SRRT: variants seen among roughly 807,000 people sequenced by gnomAD.
SRRT encodes serrate RNA effector molecule homolog.
A neutral mutation model predicts 103.2 loss-of-function variants in SRRT; 32 were observed. The observed-to-expected ratio is 0.31, with a 90% CI of 0.23 to 0.42. SRRT has a LOEUF of 0.42. Among genes scored for constraint, SRRT ranks in the 10% least tolerant of loss-of-function variants. SRRT has a pLI of 1.00. For synonymous variants in SRRT, 525 were observed against 449.0 expected (o/e 1.17, Z -2.14); for missense variants, 986 against 1,207.5 (o/e 0.82, Z 2.72).
rs765618745 is a variant in SRRT at position 100,887,789 on chromosome 7, C to A, written c.2256C>A (p.Asn752Lys). 2 of 1,613,618 alleles carry A rather than the reference C, an allele frequency of 1.2e-6. No individual in the cohort carries two copies. Among genetic ancestry groups the A allele is most frequent in the Non-Finnish European group, 1.7e-6 (2 of 1,179,564 alleles). The change falls in exon 17 of 20, where the codon AAC becomes AAA. Residue 752 changes from asparagine (N) to lysine (K), a missense_variant. Transcript: ENST00000611405. The surrounding 1 kb of genome is among the most constrained non-coding windows in gnomAD (Gnocchi z 4.1). ...EVKKEVAFFN[N>K]FLTDAKRPAL... ...AAAAGGAAGTCGCGTTTTTTAACAA[C>A]TTCCTCACTGATGCTAAGCGCCCAG...
In SRRT at chr7:100,884,351, G is replaced by A. The variant is rs749989925; in HGVS notation, c.758-17G>A. The stretch of plus-strand genomic sequence containing the variant: ...CCAGGGCCCTGGGGTCATGACCTCT[G>A]TTCCCTTTGTTGGTAGCCGTGATTA... On this transcript the variant is annotated splice_polypyrimidine_tract_variant and intron_variant, in intron 6 of 19. Coordinates refer to ENST00000611405, the MANE Select transcript of SRRT (RefSeq NM_015908.6). The A allele has an allele frequency of 6.2e-6, 10 of 1,613,286 alleles. No homozygotes were observed. Among genetic ancestry groups the A allele is most frequent in the Admixed American group, 1.7e-5 (1 of 59,924 alleles).
intron 2 of SRRT, among the ~76,000 whole-genome samples, chr7:100,880,091 C>G (rs1816142702): frequency 6.6e-6 from 1 of 152,210 alleles, no homozygotes; most frequent in African/African-American, 2.4e-5. Flanking sequence ...TGGCCAAGGA[C>G]AAAGACTAGG....
Position 100,884,374 on chromosome 7 carries a change from T to C in SRRT, c.764T>C (p.Ile255Thr). 6.2e-7 allele frequency: 1 copy of C among 1,613,028 alleles called. No individual in the cohort carries two copies. Among genetic ancestry groups the C allele is most frequent in the Non-Finnish European group, 8.5e-7 (1 of 1,179,686 alleles). Reference protein sequence around the residue: ...AIVKMLDAAVIKMEGGTENDL... With the variant: ...AIVKMLDAAVTKMEGGTENDL... ...CTGTTCCCTTTGTTGGTAGCCGTGATTAAGATGGAAGGAGGCACGGAGAAT... is the reference window on the plus strand; with the variant it reads ...CTGTTCCCTTTGTTGGTAGCCGTGACTAAGATGGAAGGAGGCACGGAGAAT... The change falls in exon 7 of 20, where the codon ATT becomes ACT. Residue 255 changes from isoleucine (I) to threonine (T), a missense_variant. Transcript: ENST00000611405.
rs1452492192 is a variant in SRRT at position 100,881,693 on chromosome 7, T to G, written c.286T>G (p.Tyr96Asp). 6.2e-7 allele frequency: 1 copy of G among 1,614,040 alleles called. No individual in the cohort carries two copies. Among genetic ancestry groups the G allele is most frequent in the South Asian group, 1.1e-5 (1 of 91,082 alleles). ...CAGCTCTGACCCATACCACAGTGGC[T>G]ATGAGATGCCCTATGCTGGGGGGGG... ...EHSSDPYHSG[Y>D]EMPYAGGGGG... is the part of the protein sequence containing the mutation. Residue 96 changes from tyrosine (Y) to aspartate (D), a missense_variant, in exon 4 of 20, where the codon TAT (tyrosine) becomes GAT (aspartate). Physicochemically the swap from Tyr to Asp is radical, Grantham distance 160 (BLOSUM62 -3). Around this residue, in one of 6 missense-constraint regions of SRRT, gnomAD observed 274 missense variants for 358.5 expected, o/e 0.76. Coordinates refer to ENST00000611405, the MANE Select transcript of SRRT (RefSeq NM_015908.6).
At position 100,881,913 on chromosome 7, in the gene SRRT, C is replaced by A. The variant is rs1407743319; in HGVS notation, c.398+108C>A. On this transcript the variant is annotated intron_variant, in intron 4 of 19. Transcript: ENST00000611405. Reference sequence around the variant, plus strand: ...GCGGGTCAGGCACACAGAGGCATGTCCCTGGGGTAGGGGTGGTAGCTGTTG... The same window carrying A: ...GCGGGTCAGGCACACAGAGGCATGTACCTGGGGTAGGGGTGGTAGCTGTTG... 5 of 1,481,430 alleles carry A rather than the reference C, an allele frequency of 3.4e-6. No homozygotes were observed. The African/African-American group carries it at 7.0e-5, about 21-fold the overall frequency. The allele number at this position is 1,481,430 out of a possible 1,614,324, so 91.8% of individuals were successfully genotyped here.
chr7:100,882,325 A>AG lies in SRRT; in HGVS notation c.587+85dup. The AG allele has an allele frequency of 6.8e-7, 1 of 1,477,840 alleles. No homozygotes were observed. Among genetic ancestry groups the AG allele is most frequent in the Non-Finnish European group, 9.2e-7 (1 of 1,090,334 alleles). 91.5% of individuals were successfully genotyped at this position (1,477,840 alleles called of 1,614,324 possible). ...GGAGCCACAGCCCTGTCCTCTTCCC[A>AG]GTTTTCCCTGTCCAGAACTTTCTGG... is the stretch of plus-strand genomic sequence containing the variant. On this transcript the variant is annotated intron_variant, in intron 5 of 19. Transcript: ENST00000611405. This position sits in a 1 kb window ranked among gnomAD's most constrained non-coding sequence, Gnocchi z 4.2.
chr7:100,879,304 G>GCCCCAGCCTGGTCTTGAA (rs1210161334), intron 2 of SRRT, among the ~76,000 whole-genome samples: 3 of 152,094 alleles, frequency 2.0e-5, no homozygotes, highest in Middle Eastern at 3.2e-3. Context: ...TCACCATGTT[G>GCCCCAGCCTGGTCTTGAA]CCCCAGCCTG....
At chr7:100,886,113 C>A in intron 12 of SRRT, 134 bp from the exon 13 acceptor site, 1 of 1,247,790 alleles carries the variant, frequency 8.0e-7, no homozygotes, top group Non-Finnish European at 1.1e-6. Context: ...TGGACGGAAC[C>A]TATGTGGTCC....
Position 100,883,940 on chromosome 7 carries a change from T to C in SRRT, c.588-130T>C, listed in dbSNP as rs1584747619. ...TAGCGCACCCCTATCCCTTAATCTC[T>C]CTATTTTGATGACCTTTTGTGGTTG... On this transcript the variant is annotated intron_variant, in intron 5 of 19. Coordinates refer to ENST00000611405, the MANE Select transcript of SRRT (RefSeq NM_015908.6). 1.1e-5 allele frequency: 11 copies of C among 1,020,034 alleles called. No homozygotes were observed. In the East Asian group the frequency reaches 2.6e-4, roughly 24 times the overall value. The allele number at this position is 1,020,034 out of a possible 1,614,324, so 63.2% of individuals were successfully genotyped here.
chr7:100,886,415 G>C lies in SRRT; in HGVS notation c.1627G>C (p.Gly543Arg). The C allele has an allele frequency of 6.2e-7, 1 of 1,612,842 alleles. No homozygotes were observed. The highest frequency in any genetic ancestry group is 2.2e-5 in the East Asian group (1 of 44,876). Reference sequence around the variant, plus strand: ...GACACAGCTTTGGGCCTCAGAACCAGGGACGCCTCCCCTGCCCACGGTCAG... The same window carrying C: ...GACACAGCTTTGGGCCTCAGAACCACGGACGCCTCCCCTGCCCACGGTCAG... ...DRTQLWASEP[G>R]TPPLPTSLPS... Residue 543 changes from glycine (G) to arginine (R), a missense_variant, in exon 13 of 20, where the codon GGG (glycine) becomes CGG (arginine). Around this residue, in one of 6 missense-constraint regions of SRRT, gnomAD observed 349 missense variants for 446.9 expected, o/e 0.78. Coordinates refer to ENST00000611405, the MANE Select transcript of SRRT (RefSeq NM_015908.6).
At chr7:100,881,098 A>T (rs1816263229) in intron 2 of SRRT, among the ~76,000 whole-genome samples, 187 bp from the exon 3 acceptor site, 1 of 135,290 alleles carries the variant, frequency 7.4e-6, no homozygotes, top group Admixed American at 8.5e-5. Context: ...AATTATTGTT[A>T]CCTTTTTAAA....
rs1584745392 is a variant in SRRT, at chr7:100,882,865, T to C, written c.587+624T>C. 1 of 150,716 alleles carries C rather than the reference T, an allele frequency of 6.6e-6. No individual in the cohort carries two copies. The highest frequency in any genetic ancestry group is 2.0e-4 in the East Asian group (1 of 4,918). The allele number at this position is 150,716 out of a possible 1,614,324, so 9.3% of individuals were successfully genotyped here. ...CCATACATGAGCCCCTGGGCTGAGC[T>C]GCGCGGCCCCGGCCAGGCAGACAGG... On this transcript the variant is annotated intron_variant, in intron 5 of 19. Coordinates refer to ENST00000611405, the MANE Select transcript of SRRT (RefSeq NM_015908.6). This position sits in a 1 kb window ranked among gnomAD's most constrained non-coding sequence, Gnocchi z 4.2.
At chr7:100,881,186 G>A (rs946190357) in intron 2 of SRRT, 99 bp from the exon 3 acceptor site, 15 of 1,371,144 alleles carry the variant, frequency 1.1e-5, no homozygotes, top group Non-Finnish European at 1.4e-5. Flanking sequence ...CGAACTCCTG[G>A]CCTCAAGTGT....
At position 100,875,773 on chromosome 7, in the gene SRRT, C is replaced by T. The variant is rs1468532891; in HGVS notation, c.122+61C>T. On this transcript the variant is annotated intron_variant, in intron 2 of 19. Coordinates refer to ENST00000611405, the MANE Select transcript of SRRT (RefSeq NM_015908.6). ...ATGCCGTTTCACTCCACCCGCGTCGCTTTTCTTTCTCCCCCTTGTAATTTT... is the reference window on the plus strand; with the variant it reads ...ATGCCGTTTCACTCCACCCGCGTCGTTTTTCTTTCTCCCCCTTGTAATTTT... 1.8e-5 allele frequency: 29 copies of T among 1,598,020 alleles called. 1 individual carries two copies. In the Middle Eastern group the frequency reaches 8.3e-4, roughly 46 times the overall value.
Position 100,886,814 on chromosome 7 carries a change from C to T in SRRT, c.1667C>T (p.Pro556Leu), listed in dbSNP as rs758721392. 2.5e-5 allele frequency: 41 copies of T among 1,614,012 alleles called. No individual in the cohort carries two copies. Among genetic ancestry groups the T allele is most frequent in the African/African-American group, 2.7e-5 (2 of 74,892 alleles). Residue 556 changes from proline to leucine, a missense_variant, in exon 14 of 20, where the codon CCG becomes CTG. This residue lies in a region of SRRT where 349 missense variants were observed against 446.9 expected (regional missense o/e 0.78). Transcript: ENST00000611405. Reference protein sequence around the residue: ...PLPTSLPSQNPILKNITDYLI... With the variant: ...PLPTSLPSQNLILKNITDYLI... ...CATCAGAGCCTGCCCTCGCAAAACC[C>T]GATCTTGAAGAATATCACCGACTAC...
intron 2 of SRRT, among the ~76,000 whole-genome samples, chr7:100,879,426 A>G (rs988788125): frequency 2.0e-5 from 3 of 152,164 alleles, no homozygotes; most frequent in Non-Finnish European, 4.4e-5. Context: ...AAGCAGAACA[A>G]AATATCTCAA....
chr7:100,884,796 C>T lies in SRRT; in HGVS notation c.999C>T (p.Asp333=), dbSNP rs201815722. ...CAAAGAAGTCGGAGGGTGATGGGGA[C>T]AAGGAAGAGAAGAAAGAAGACTCCG... ...DKTKKSEGDG[D]KEEKKEDSEK... is the part of the protein sequence containing the mutation. Residue 333 remains aspartate (D), a synonymous_variant, in exon 8 of 20, where the codon GAC becomes GAT. Coordinates refer to ENST00000611405, the MANE Select transcript of SRRT (RefSeq NM_015908.6). 6.2e-7 allele frequency: 1 copy of T among 1,613,840 alleles called. No homozygotes were observed. Among genetic ancestry groups the T allele is most frequent in the Non-Finnish European group, 8.5e-7 (1 of 1,179,956 alleles).
In SRRT at chr7:100,887,617, C is replaced by CGGGAGCTGGA; in HGVS notation, c.2170-77_2170-76insAGGGAGCTGG. 1 of 1,575,220 alleles carries CGGGAGCTGGA rather than the reference C, an allele frequency of 6.3e-7. No individual in the cohort carries two copies. The highest frequency in any genetic ancestry group is 1.2e-5 in the South Asian group (1 of 85,200). The stretch of plus-strand genomic sequence containing the variant: ...GGGAACTGCTTACTGCACTGGCAGG[C>CGGGAGCTGGA]GGGAGCTGGGAATCCTTCCAGCTCG... On this transcript the variant is annotated intron_variant, in intron 16 of 19. Transcript: ENST00000611405. This position sits in a 1 kb window ranked among gnomAD's most constrained non-coding sequence, Gnocchi z 4.1.
intron 2 of SRRT, 134 bp from the exon 3 acceptor site, chr7:100,881,151 G>T (rs574761947): frequency 4.5e-5 from 37 of 830,782 alleles, no homozygotes; most frequent in Middle Eastern, 2.7e-4. Flanking sequence ...GCGGGGGGGG[G>T]TCTCACTATT....
Sources: allele counts gnomAD v4.1 joint callset (sites outside exome capture counted in the v4.1 genomes callset), GRCh38; gene constraint gnomAD v4.1.1; regional missense constraint gnomAD v4.1.1; non-coding constraint Gnocchi (gnomAD v3.1); transcripts MANE v1.5; gene names NCBI Gene and HGNC (gene_info 2026-07-23, HGNC 2026-07-21).